PDZD8: variants seen among roughly 807,000 people sequenced by gnomAD.
PDZD8 encodes the protein PDZ domain containing 8, also known as PDZ domain-containing protein 8.
Under a neutral mutation model 85.8 loss-of-function variants are expected in PDZD8, and 14 were observed. That is an observed-to-expected ratio of 0.16 (90% CI 0.11 to 0.26). PDZD8 has a LOEUF of 0.26. PDZD8 is among the 10% of genes least tolerant of loss of function. The probability of loss-of-function intolerance (pLI) is 1.00; values close to 1 mark genes in which losing one functional copy is unlikely to be tolerated. For missense variants in PDZD8, 1,197 were observed against 1,424.3 expected, an observed-to-expected ratio of 0.84 and a Z score of 2.57; for synonymous variants, 592 against 568.6, an observed-to-expected ratio of 1.04 and a Z score of -0.59.
intron 2 of PDZD8, among the ~76,000 whole-genome samples, chr10:117,332,191 T>A (rs1254824616): frequency 3.3e-5 from 5 of 152,164 alleles, no homozygotes; most frequent in Non-Finnish European, 7.3e-5. Context: ...AGTAATTCCT[T>A]CTGGTTTTCA....
intron 3 of PDZD8, among the ~76,000 whole-genome samples, chr10:117,299,152 G>A (rs757445876): frequency 3.9e-5 from 6 of 152,044 alleles, no homozygotes; most frequent in Admixed American, 6.6e-5. Context: ...ATCTATAGAC[G>A]TTTTCACTCA....
intron 2 of PDZD8, among the ~76,000 whole-genome samples, chr10:117,331,274 C>T (rs1376017397): frequency 6.6e-6 from 1 of 152,158 alleles, no homozygotes; most frequent in Non-Finnish European, 1.5e-5. Flanking sequence ...CTAACATTTA[C>T]TGTAAGGACA....
At chr10:117,293,696 G>A (rs757967771) in intron 3 of PDZD8, among the ~76,000 whole-genome samples, 16 of 152,034 alleles carry the variant, frequency 1.1e-4, no homozygotes, top group Non-Finnish European at 1.8e-4. Flanking sequence ...GGAGGCACAG[G>A]CAACCTCAAC....
chr10:117,340,614 T>C (rs951243745), intron 2 of PDZD8, among the ~76,000 whole-genome samples: 3 of 152,196 alleles, frequency 2.0e-5, no homozygotes, highest in African/African-American at 4.8e-5. Context: ...CTTATCATGA[T>C]GGTCCTGAAT....
intron 1 of PDZD8, among the ~76,000 whole-genome samples, chr10:117,353,991 C>T (rs1844850749): frequency 6.6e-6 from 1 of 152,056 alleles, no homozygotes; most frequent in Non-Finnish European, 1.5e-5. Context: ...CAAACTTGCG[C>T]CCTTCTCTCC....
intron 3 of PDZD8, among the ~76,000 whole-genome samples, chr10:117,291,531 A>AG (rs1426844818): frequency 0.048 from 4 of 84 alleles, no homozygotes; most frequent in Non-Finnish European, 0.19. Context: ...TCCACCTCAG[A>AG]AAAAAAAAAA....
intron 1 of PDZD8, among the ~76,000 whole-genome samples, chr10:117,367,336 G>A (rs537549478): frequency 3.9e-4 from 59 of 152,046 alleles, no homozygotes; most frequent in African/African-American, 1.1e-3. Context: ...GCTTGAACCC[G>A]GGAGGTGGAG....
chr10:117,336,806 T>A (rs1448329847), intron 2 of PDZD8, among the ~76,000 whole-genome samples: 1 of 150,796 alleles, frequency 6.6e-6, no homozygotes, highest in African/African-American at 2.5e-5. Flanking sequence ...GACAATAAAC[T>A]AAGAATAAGG....
intron 2 of PDZD8, among the ~76,000 whole-genome samples, chr10:117,335,804 A>T (rs1844506810): frequency 6.6e-6 from 1 of 152,206 alleles, no homozygotes; most frequent in African/African-American, 2.4e-5. Flanking sequence ...AACTCTTTGT[A>T]TTATGTTTTT....
intron 4 of PDZD8, 123 bp from the exon 5 acceptor site, chr10:117,285,594 G>A (rs1844648669): frequency 1.8e-6 from 2 of 1,138,092 alleles, no homozygotes; most frequent in Non-Finnish European, 2.3e-6. Flanking sequence ...ACTAATAGAA[G>A]AATAATAGGA....
At chr10:117,297,156 A>G (rs1162465222) in intron 3 of PDZD8, among the ~76,000 whole-genome samples, 1 of 152,166 alleles carries the variant, frequency 6.6e-6, no homozygotes, top group African/African-American at 2.4e-5. Flanking sequence ...GCAAATGGCC[A>G]ACAAGCATAT....
At chr10:117,332,786 C>A (rs534041424) in intron 2 of PDZD8, among the ~76,000 whole-genome samples, 2 of 150,254 alleles carry the variant, frequency 1.3e-5, no homozygotes, top group African/African-American at 4.9e-5. Context: ...GGATTACAGG[C>A]GTGAATCACC....
chr10:117,358,893 T>A (rs893037432), intron 1 of PDZD8, among the ~76,000 whole-genome samples: 1 of 152,140 alleles, frequency 6.6e-6, no homozygotes, highest in Non-Finnish European at 1.5e-5. Flanking sequence ...TATTTATCTA[T>A]ATTAAGGATG....
intron 2 of PDZD8, among the ~76,000 whole-genome samples, chr10:117,335,901 G>C (rs1372761795): frequency 6.6e-6 from 1 of 152,156 alleles, no homozygotes; most frequent in East Asian, 1.9e-4. Context: ...GTTGTTGAGA[G>C]CCATGAAGTA....
chr10:117,296,168 A>G (rs369429764), intron 3 of PDZD8, among the ~76,000 whole-genome samples: 1 of 120,264 alleles, frequency 8.3e-6, no homozygotes, highest in East Asian at 2.2e-4. Context: ...GAGTGTCTCT[A>G]TATCAGAAAA....
At chr10:117,291,637 G>A (rs1419559124) in intron 3 of PDZD8, among the ~76,000 whole-genome samples, 1 of 151,694 alleles carries the variant, frequency 6.6e-6, no homozygotes, top group African/African-American at 2.4e-5. Flanking sequence ...TTGAGCCCAG[G>A]AGTTCAAGAC....
chr10:117,309,219 T>C (rs1354377533), intron 3 of PDZD8, among the ~76,000 whole-genome samples: 2 of 152,098 alleles, frequency 1.3e-5, no homozygotes, highest in East Asian at 1.9e-4. Context: ...TTTATGACTG[T>C]TGCCTCCTTT....
chr10:117,324,387 G>C (rs1419208082), intron 2 of PDZD8, among the ~76,000 whole-genome samples: 1 of 150,694 alleles, frequency 6.6e-6, no homozygotes, highest in Non-Finnish European at 1.5e-5. Flanking sequence ...ATGATTTTTG[G>C]TTATTATGTT....
intron 1 of PDZD8, among the ~76,000 whole-genome samples, chr10:117,352,165 G>A (rs1236024804): frequency 6.6e-6 from 1 of 152,010 alleles, no homozygotes; most frequent in Admixed American, 6.6e-5. Flanking sequence ...ATACCAGCTG[G>A]TGACATCTCC....
Sources: gnomAD v4.1 joint callset for allele counts (sites outside exome capture counted in the v4.1 genomes callset) on GRCh38, gnomAD v4.1.1 for gene constraint, MANE v1.5 for transcripts, NCBI Gene and HGNC (gene_info 2026-07-23, HGNC 2026-07-21) for gene names.